UGT1A10: variants seen among roughly 807,000 people sequenced by gnomAD.
UGT1A10 encodes UDP glucuronosyltransferase family 1 member A10.
Under a neutral mutation model 45.8 loss-of-function variants are expected in UGT1A10, and 49 were observed. That is an observed-to-expected ratio of 1.07 (90% confidence interval 0.85 to 1.36). The LOEUF (loss-of-function observed/expected upper bound fraction) is 1.36. Among genes scored for constraint, UGT1A10 ranks in the 40% most tolerant of loss-of-function variants. The pLI is 0.00. For synonymous variants in UGT1A10, 284 were observed against 249.7 expected (o/e 1.14, Z -1.29); for missense variants, 745 against 668.6 (o/e 1.11, Z -1.26).
At chr2:233,646,669 T>C (rs181446767) in intron 1 of UGT1A10, among the ~76,000 whole-genome samples, 6 of 152,310 alleles carry the variant, frequency 3.9e-5, no homozygotes, top group Admixed American at 2.6e-4. Flanking sequence ...CCCAACGAGT[T>C]CCTCATCTCC....
intron 1 of UGT1A10, among the ~76,000 whole-genome samples, chr2:233,758,517 G>C (rs1696901755): frequency 6.6e-6 from 1 of 152,214 alleles, no homozygotes; most frequent in Non-Finnish European, 1.5e-5. Flanking sequence ...ACACAACAAA[G>C]AGTGAAAGCA....
At position 233,636,687 on chromosome 2, in the gene UGT1A10, G is replaced by A. The variant is rs1181564012; in HGVS notation, c.165G>A (p.Val55=). The A allele has an allele frequency of 6.2e-7, 1 of 1,614,156 alleles. No homozygotes were observed. The highest frequency in any genetic ancestry group is 1.3e-5 in the African/African-American group (1 of 75,032). ...AACTTATCCTCAGGGGGCATGAGGT[G>A]GTTGTAGTCATGCCAGAGGTGAGTT... ...VEKLILRGHE[V]VVVMPEVSWQ... is the part of the protein sequence containing the mutation. Residue 55 remains valine, a synonymous_variant, in exon 1 of 5, where the codon GTG becomes GTA. Transcript: ENST00000344644.
At chr2:233,747,937 A>G in intron 1 of UGT1A10, 1 of 1,613,182 alleles carries the variant, frequency 6.2e-7, no homozygotes, top group Non-Finnish European at 8.5e-7. Context: ...TTTCAGAGGG[A>G]GGTGTCAGTG....
chr2:233,749,542 G>C (rs531548646), intron 1 of UGT1A10, among the ~76,000 whole-genome samples: 1 of 151,958 alleles, frequency 6.6e-6, no homozygotes, highest in Non-Finnish European at 1.5e-5. Flanking sequence ...GTGTGGTAAA[G>C]AACAGGCTAA....
rs17868341 is a variant in UGT1A10 at position 233,761,240 on chromosome 2, C to T, written c.856-5794C>T. ...TAACTAGCCCCAGATATATGCTGAG[C>T]AAGCATTCTGAGATAATTTAAAATG... is the stretch of plus-strand genomic sequence containing the variant. On this transcript the variant is annotated intron_variant, in intron 1 of 4. Coordinates refer to ENST00000344644, the MANE Select transcript of UGT1A10 (RefSeq NM_019075.4). 0.052 allele frequency: 84,282 copies of T among 1,611,682 alleles called. 2,670 individuals carry two copies. The highest frequency in any genetic ancestry group is 0.063 in the Non-Finnish European group (74,222 of 1,178,902).
rs999481021 is a variant in UGT1A10, at chr2:233,751,049, A to G, written c.856-15985A>G. On this transcript the variant is annotated intron_variant, in intron 1 of 4. Transcript: ENST00000344644. The stretch of plus-strand genomic sequence containing the variant: ...ATAGCTTGCACTGTGTGCCTGGAAA[A>G]GACACAGACACTCAATGCCAGCCTC... Among the ~76,000 whole-genome samples, 4 of 151,908 alleles carry G rather than the reference A, an allele frequency of 2.6e-5. 1 individual carries two copies. The highest frequency in any genetic ancestry group is 9.7e-5 in the African/African-American group (4 of 41,164).
chr2:233,701,490 G>A (rs1170806303), intron 1 of UGT1A10, among the ~76,000 whole-genome samples: 10 of 151,864 alleles, frequency 6.6e-5, no homozygotes, highest in Admixed American at 2.6e-4. Context: ...TGCACCAAGC[G>A]GACCTAATAG....
intron 1 of UGT1A10, chr2:233,761,270 C>T (rs990068200): frequency 1.9e-6 from 3 of 1,591,968 alleles, no homozygotes; most frequent in Non-Finnish European, 2.6e-6. Context: ...AAAATGCCCT[C>T]TTTTGTTAAT....
intron 1 of UGT1A10, chr2:233,682,550 G>A (rs1257195074): frequency 6.2e-7 from 1 of 1,613,926 alleles, no homozygotes; most frequent in East Asian, 2.2e-5. Context: ...GACTTTCAAG[G>A]AGAGAGTATG....
At chr2:233,755,290 G>C in intron 1 of UGT1A10, 1 of 652,954 alleles carries the variant, frequency 1.5e-6, no homozygotes, top group Admixed American at 2.9e-5. Context: ...CAAAGAGCCT[G>C]CGGGGCACTG....
intron 1 of UGT1A10, among the ~76,000 whole-genome samples, chr2:233,642,100 C>T (rs569940007): frequency 4.6e-4 from 70 of 152,292 alleles, no homozygotes; most frequent in African/African-American, 1.6e-3. Context: ...ACTTTCTACT[C>T]CTATCTCTTT....
chr2:233,682,548 A>G, intron 1 of UGT1A10: 1 of 1,613,924 alleles, frequency 6.2e-7, no homozygotes. Context: ...ATGACTTTCA[A>G]GGAGAGAGTA....
At chr2:233,655,732 C>T (rs2073839704) in intron 1 of UGT1A10, among the ~76,000 whole-genome samples, 1 of 152,184 alleles carries the variant, frequency 6.6e-6, no homozygotes, top group Admixed American at 6.5e-5. Flanking sequence ...AGGCAAGTCT[C>T]TCCTGTCCCT....
intron 2 of UGT1A10, 140 bp downstream of exon 2, chr2:233,767,305 GTTTT>G: frequency 4.6e-6 from 7 of 1,519,176 alleles, no homozygotes; most frequent in Non-Finnish European, 4.4e-6. Context: ...TAATCCAAAG[GTTTT>G]TTTTGTTGTT....
intron 1 of UGT1A10, among the ~76,000 whole-genome samples, chr2:233,658,866 G>A (rs2073908991): frequency 6.6e-6 from 1 of 152,124 alleles, no homozygotes; most frequent in Admixed American, 6.6e-5. Context: ...GCTTTGTAAT[G>A]TCTTGAAATG....
intron 1 of UGT1A10, among the ~76,000 whole-genome samples, chr2:233,725,192 A>C (rs1239126007): frequency 1.2e-5 from 1 of 85,448 alleles, no homozygotes; most frequent in African/African-American, 8.6e-5. Flanking sequence ...AGGCAGAGGC[A>C]GAGGCAGAGG....
At chr2:233,760,286 C>T in intron 1 of UGT1A10, 1 of 1,613,058 alleles carries the variant, frequency 6.2e-7, no homozygotes, top group Non-Finnish European at 8.5e-7. Flanking sequence ...AGCAAAGGCG[C>T]CATGGCTGTG....
intron 1 of UGT1A10, among the ~76,000 whole-genome samples, chr2:233,740,338 G>A (rs1156245808): frequency 6.6e-6 from 1 of 151,948 alleles, no homozygotes; most frequent in Non-Finnish European, 1.5e-5. Context: ...TGAGAAAGTT[G>A]ATGAGAAAGT....
chr2:233,760,507 T>C (rs1199756469), intron 1 of UGT1A10: 2 of 1,614,154 alleles, frequency 1.2e-6, no homozygotes, highest in South Asian at 1.1e-5. Context: ...CGGAGCATTT[T>C]ACACCTTGAA....
Sources: allele counts gnomAD v4.1 joint callset (sites outside exome capture counted in the v4.1 genomes callset), GRCh38; gene constraint gnomAD v4.1.1; transcripts MANE v1.5; gene names NCBI Gene and HGNC (gene_info 2026-07-23, HGNC 2026-07-21).